Variants in ENTHD1 observed in about 807,000 individuals in gnomAD.
ENTHD1 encodes the protein ENTH domain containing 1, also known as ENTH domain-containing protein 1.
Under a neutral mutation model 39.1 loss-of-function variants are expected in ENTHD1, and 23 were observed. The observed-to-expected ratio is 0.59, with a 90% CI of 0.42 to 0.83. The LOEUF is 0.83. ENTHD1 is among the 40% of genes least tolerant of loss of function. The pLI, the probability that ENTHD1 is intolerant of heterozygous loss-of-function variation, is 0.00. For synonymous variants in ENTHD1, 230 were observed against 258.2 expected (o/e 0.89, Z 1.05); for missense variants, 624 against 705.4 (o/e 0.88, Z 1.31).
chr22:39,821,975 T>A (rs1302235099), intron 4 of ENTHD1, among the ~76,000 whole-genome samples: 1 of 152,216 alleles, frequency 6.6e-6, no homozygotes, highest in African/African-American at 2.4e-5. Flanking sequence ...TGTTAGGATT[T>A]CAACTAAGAA....
At chr22:39,817,184 T>C (rs572608295) in intron 5 of ENTHD1, among the ~76,000 whole-genome samples, 2 of 152,306 alleles carry the variant, frequency 1.3e-5, no homozygotes, top group South Asian at 4.1e-4. Context: ...ACTGATATTC[T>C]GAAGGGCTGT....
intron 5 of ENTHD1, among the ~76,000 whole-genome samples, chr22:39,800,326 T>C (rs1053118445): frequency 7.2e-5 from 11 of 152,242 alleles, no homozygotes; most frequent in Non-Finnish European, 1.5e-4. Context: ...GATTATCTAC[T>C]TACTATTTTG....
intron 3 of ENTHD1, among the ~76,000 whole-genome samples, chr22:39,841,800 G>A (rs1487102285): frequency 1.3e-5 from 2 of 152,010 alleles, no homozygotes; most frequent in Non-Finnish European, 2.9e-5. Context: ...TGGTTATTTT[G>A]CTCGTTAGTT....
At chr22:39,875,182 T>C in intron 2 of ENTHD1, 3 of 642,120 alleles carry the variant, frequency 4.7e-6, no homozygotes, top group Non-Finnish European at 2.2e-6. Flanking sequence ...TATGGATGAC[T>C]CTCAGAAACA....
At chr22:39,746,402 TC>T (rs1188951365) in intron 6 of ENTHD1, among the ~76,000 whole-genome samples, 1 of 152,192 alleles carries the variant, frequency 6.6e-6, no homozygotes, top group Non-Finnish European at 1.5e-5. Flanking sequence ...ATAATAAGCT[TC>T]TTTGAAAAAC....
chr22:39,823,686 G>T (rs984149783), intron 4 of ENTHD1, among the ~76,000 whole-genome samples: 2 of 152,104 alleles, frequency 1.3e-5, no homozygotes, highest in African/African-American at 4.8e-5. Context: ...ATTCCTAGGA[G>T]AGCAATTGCT....
intron 1 of ENTHD1, among the ~76,000 whole-genome samples, chr22:39,888,607 T>C (rs187358885): frequency 6.6e-6 from 1 of 152,250 alleles, no homozygotes; most frequent in Non-Finnish European, 1.5e-5. Flanking sequence ...TTTGTATTTT[T>C]AGTAGAGACG....
At chr22:39,884,288 C>T (rs910013559) in intron 2 of ENTHD1, among the ~76,000 whole-genome samples, 2 of 151,926 alleles carry the variant, frequency 1.3e-5, no homozygotes, top group Non-Finnish European at 2.9e-5. Flanking sequence ...AAGCAATTCT[C>T]GTGCCTCAGC....
At position 39,785,935 on chromosome 22, in the gene ENTHD1, T is replaced by G. The variant is rs554227282; in HGVS notation, c.833-20326A>C. ...CCTCTCTGCTCGTCTCAAGTACTTT[T>G]GTCAACTTGACCTTTCCCTCTTCAC... On this transcript the variant is annotated intron_variant, in intron 5 of 6. Transcript: ENST00000325157. Among the ~76,000 whole-genome samples, 6 of 152,342 alleles carry G rather than the reference T, an allele frequency of 3.9e-5. No individual in the cohort carries two copies. In the East Asian group the frequency reaches 5.8e-4, roughly 15 times the overall value.
intron 5 of ENTHD1, among the ~76,000 whole-genome samples, chr22:39,782,785 T>A (rs2065420747): frequency 1.3e-5 from 2 of 152,024 alleles, no homozygotes; most frequent in African/African-American, 4.8e-5. Context: ...TACCTCAACA[T>A]AATAAAGGCC....
At chr22:39,864,550 T>C (rs1429723262) in intron 2 of ENTHD1, among the ~76,000 whole-genome samples, 1 of 152,178 alleles carries the variant, frequency 6.6e-6, no homozygotes, top group Non-Finnish European at 1.5e-5. Context: ...ACCAAAAATA[T>C]AAGCTCCATG....
chr22:39,816,925 A>G (rs912197959), intron 5 of ENTHD1, among the ~76,000 whole-genome samples: 3 of 151,866 alleles, frequency 2.0e-5, no homozygotes, highest in Admixed American at 2.0e-4. Flanking sequence ...ATATAGAAAT[A>G]TATCTGATAT....
chr22:39,839,154 T>C lies in ENTHD1; in HGVS notation c.593-3196A>G, dbSNP rs143768075. On this transcript the variant is annotated intron_variant, in intron 3 of 6. Transcript: ENST00000325157. ...ACTCAAAAATGTGTGAGGAGGTACA[T>C]AGTGTTTCAAAATCATTTTAGGGGT... Among the ~76,000 whole-genome samples, 334 of 152,200 alleles carry C rather than the reference T, an allele frequency of 2.2e-3. 3 individuals carry two copies. Among genetic ancestry groups the C allele is most frequent in the African/African-American group, 7.6e-3 (314 of 41,530 alleles).
chr22:39,775,969 C>G (rs2065362398), intron 5 of ENTHD1, among the ~76,000 whole-genome samples: 1 of 152,138 alleles, frequency 6.6e-6, no homozygotes. Context: ...GCGATCATGG[C>G]TTACTGCAGC....
At chr22:39,850,550 G>C (rs1047279203) in intron 3 of ENTHD1, among the ~76,000 whole-genome samples, 2 of 151,426 alleles carry the variant, frequency 1.3e-5, no homozygotes, top group African/African-American at 4.9e-5. Flanking sequence ...AATCTATCTG[G>C]GCTTATTTCT....
At chr22:39,808,854 A>G (rs1167179940) in intron 5 of ENTHD1, among the ~76,000 whole-genome samples, 1 of 152,196 alleles carries the variant, frequency 6.6e-6, no homozygotes, top group Non-Finnish European at 1.5e-5. Context: ...ATTCTTATCA[A>G]TGAAAGCCTT....
intron 3 of ENTHD1, among the ~76,000 whole-genome samples, chr22:39,837,313 C>A (rs1381866908): frequency 6.6e-6 from 1 of 152,198 alleles, no homozygotes; most frequent in South Asian, 2.1e-4. Context: ...TCCGCAACTT[C>A]CACCTATGTT....
At chr22:39,805,123 C>A (rs752338523) in intron 5 of ENTHD1, among the ~76,000 whole-genome samples, 10 of 152,238 alleles carry the variant, frequency 6.6e-5, no homozygotes, top group Admixed American at 3.9e-4. Context: ...TAGCTAGCCA[C>A]TGTTCTAGGT....
chr22:39,785,302 A>G (rs2065446527), intron 5 of ENTHD1, among the ~76,000 whole-genome samples: 4 of 152,128 alleles, frequency 2.6e-5, no homozygotes, highest in Admixed American at 2.6e-4. Flanking sequence ...GCCACTCTGT[A>G]TTTGAAAGGT....
Sources: gnomAD v4.1 joint callset for allele counts (sites outside exome capture counted in the v4.1 genomes callset) on GRCh38, gnomAD v4.1.1 for gene constraint, MANE v1.5 for transcripts, NCBI Gene and HGNC (gene_info 2026-07-23, HGNC 2026-07-21) for gene names.